ERGIC3: variants seen among roughly 807,000 people sequenced by gnomAD.
ERGIC3 encodes the protein ERGIC and golgi 3, also known as endoplasmic reticulum-Golgi intermediate compartment protein 3.
In ERGIC3, 33 loss-of-function variants were observed where a neutral mutation model predicts 54.7. That is an observed-to-expected ratio of 0.60 (90% CI 0.46 to 0.81). The LOEUF (loss-of-function observed/expected upper bound fraction) is 0.81, where lower values mean the gene tolerates loss of function less well. Ranked by LOEUF, ERGIC3 falls within the 30% of genes least tolerant of loss-of-function variation. The pLI is 0.00. For synonymous variants in ERGIC3, 186 were observed against 189.8 expected, an observed-to-expected ratio of 0.98 and a Z score of 0.16; for missense variants, 399 against 488.4, an observed-to-expected ratio of 0.82 and a Z score of 1.73.
intron 7 of ERGIC3, among the ~76,000 whole-genome samples, chr20:35,553,187 T>TTTTG (rs1371448282): frequency 6.7e-6 from 1 of 148,936 alleles, no homozygotes; most frequent in Admixed American, 6.7e-5. Flanking sequence ...TTTTTTTTTT[T>TTTTG]TGCAGAGACA....
intron 3 of ERGIC3, 103 bp from the exon 4 acceptor site, chr20:35,542,719 C>G: frequency 1.9e-6 from 3 of 1,604,432 alleles, no homozygotes; most frequent in Non-Finnish European, 2.6e-6. Context: ...TTCTCCTCAT[C>G]CCGTTCTGCC....
chr20:35,556,377 A>G (rs763342361), intron 10 of ERGIC3, 106 bp downstream of exon 10: 36 of 1,211,082 alleles, frequency 3.0e-5, no homozygotes, highest in Non-Finnish European at 4.1e-5. Context: ...TCGTCCTCAC[A>G]TGGCGAATAA....
intron 7 of ERGIC3, among the ~76,000 whole-genome samples, chr20:35,553,213 GC>G (rs2064691696): frequency 7.4e-6 from 1 of 135,178 alleles, no homozygotes; most frequent in African/African-American, 2.8e-5. Flanking sequence ...TTGCCATGTT[GC>G]CCAGGCTCCT....
rs903172686 is a variant in ERGIC3 at position 35,554,892 on chromosome 20, G to T, written c.686-152G>T. On this transcript the variant is annotated intron_variant, in intron 7 of 12. Transcript: ENST00000348547. Reference sequence around the variant, plus strand: ...ACAGGCCCAAGGCTTGCCCTTTCTGGCTGTCCTTAAGCAGGACCAGGAGGT... The same window carrying T: ...ACAGGCCCAAGGCTTGCCCTTTCTGTCTGTCCTTAAGCAGGACCAGGAGGT... 2.0e-4 allele frequency: 186 copies of T among 920,524 alleles called. 1 individual carries two copies. The highest frequency in any genetic ancestry group is 9.6e-5 in the Non-Finnish European group (54 of 560,030). 57.0% of individuals were successfully genotyped at this position (920,524 alleles called of 1,614,324 possible).
Position 35,556,122 on chromosome 20 carries a change from G to A in ERGIC3, c.807G>A (p.Ala269=), listed in dbSNP as rs376291998. The change falls in exon 9 of 13, where the codon GCG becomes GCA. Residue 269 remains alanine, a synonymous_variant. Coordinates refer to ENST00000348547, the MANE Select transcript of ERGIC3 (RefSeq NM_015966.3). ...CCCTGGACCACACCAATGTCACTGCGCCCCAAGGTACCAGCCCGGGAGGCA... is the reference window on the plus strand; with the variant it reads ...CCCTGGACCACACCAATGTCACTGCACCCCAAGGTACCAGCCCGGGAGGCA... The part of the protein sequence containing the change: ...VNPLDHTNVT[A]PQASMMFQYF... The A allele has an allele frequency of 1.4e-5, 22 of 1,614,014 alleles. No homozygotes were observed. The highest frequency in any genetic ancestry group is 6.7e-5 in the Admixed American group (4 of 59,990).
Position 35,555,110 on chromosome 20 carries a change from G to C in ERGIC3, c.717+35G>C, listed in dbSNP as rs183202293. On this transcript the variant is annotated intron_variant, in intron 8 of 12. Transcript: ENST00000348547. ...AGATGGAAACCATGGAGGGCAGGTG[G>C]GGGTGGGAGGCTTGGTTGCTGCCTT... 12 of 1,605,966 alleles carry C rather than the reference G, an allele frequency of 7.5e-6. No individual in the cohort carries two copies. In the East Asian group the frequency reaches 2.2e-4, roughly 30 times the overall value.
At chr20:35,556,318 A>T in intron 10 of ERGIC3, 47 bp downstream of exon 10, 3 of 1,597,704 alleles carry the variant, frequency 1.9e-6, no homozygotes, top group Non-Finnish European at 2.6e-6. Flanking sequence ...GGTGCCAAGC[A>T]CTGGAGTTCC....
Position 35,542,123 on chromosome 20 carries a change from A to C in ERGIC3, c.26A>C (p.Gln9Pro). Residue 9 changes from glutamine (Q) to proline (P), a missense_variant, in exon 1 of 13, where the codon CAG becomes CCG. Gln to Pro is a moderately conservative substitution (Grantham distance 76, BLOSUM62 -1). Coordinates refer to ENST00000348547, the MANE Select transcript of ERGIC3 (RefSeq NM_015966.3). Reference sequence around the variant, plus strand: ...ATGGAGGCGCTGGGGAAGCTGAAGCAGTTCGATGCCTACCCCAAGACTTTG... The same window carrying C: ...ATGGAGGCGCTGGGGAAGCTGAAGCCGTTCGATGCCTACCCCAAGACTTTG... MEALGKLK[Q>P]FDAYPKTLED... is the part of the protein sequence containing the mutation. The C allele has an allele frequency of 6.4e-7, 1 of 1,560,022 alleles. No individual in the cohort carries two copies. Among genetic ancestry groups the C allele is most frequent in the Non-Finnish European group, 8.7e-7 (1 of 1,153,568 alleles).
intron 7 of ERGIC3, among the ~76,000 whole-genome samples, chr20:35,551,476 G>GGA (rs1568871389): frequency 6.6e-6 from 1 of 152,174 alleles, no homozygotes; most frequent in African/African-American, 2.4e-5. Context: ...ATTCAAGCCT[G>GGA]GAGTTCAGGG....
Position 35,556,220 on chromosome 20 carries a change from C to T in ERGIC3, c.828C>T (p.Phe276=). The T allele has an allele frequency of 6.2e-7, 1 of 1,614,174 alleles. No individual in the cohort carries two copies. Among genetic ancestry groups the T allele is most frequent in the Admixed American group, 1.7e-5 (1 of 60,018 alleles). The change falls in exon 10 of 13, where the codon TTC becomes TTT. Residue 276 remains phenylalanine, a synonymous_variant. Transcript: ENST00000348547. ...NVTAPQASMM[F]QYFVKVVPTV... is the part of the protein sequence containing the mutation. ...TTTTCCCCTCAGCCTCCATGATGTT[C>T]CAGTACTTTGTGAAGGTGGTGCCCA...
intron 4 of ERGIC3, chr20:35,543,582 A>G: frequency 2.1e-6 from 1 of 471,032 alleles, no homozygotes; most frequent in South Asian, 1.5e-5. Flanking sequence ...CCACCACAGC[A>G]AACTGTCCTC....
At chr20:35,553,034 T>TTTTTTTTTTTTTTTTTG in intron 7 of ERGIC3, among the ~76,000 whole-genome samples, 1 of 126,740 alleles carries the variant, frequency 7.9e-6, no homozygotes, top group African/African-American at 2.9e-5. Flanking sequence ...TTTTTTTTTT[T>TTTTTTTTTTTTTTTTTG]TTTTTTTTTT....
rs201180063 is a variant in ERGIC3, at chr20:35,557,500, C to A, written c.1148C>A (p.Thr383Lys). The A allele has an allele frequency of 6.2e-7, 1 of 1,613,878 alleles. No homozygotes were observed. Among genetic ancestry groups the A allele is most frequent in the African/African-American group, 1.3e-5 (1 of 75,044 alleles). Residue 383 changes from threonine to lysine, a missense_variant, in exon 13 of 13, where the codon ACG (threonine) becomes AAG (lysine). By Grantham distance (78) the Thr-to-Lys change is moderately conservative (BLOSUM62 -1). Transcript: ENST00000348547. ...AAGAAAATTGATCTAGGGAAGACAA[C>A]GTAGTCACCCTCGGTGCTTCCTCTG... is the stretch of plus-strand genomic sequence containing the variant. Reference protein sequence around the residue: ...IQKKIDLGKTT With the variant: ...IQKKIDLGKTK
intron 7 of ERGIC3, among the ~76,000 whole-genome samples, chr20:35,550,698 C>T (rs1040235468): frequency 5.3e-5 from 8 of 152,178 alleles, no homozygotes; most frequent in African/African-American, 1.9e-4. Flanking sequence ...CGGGCCGTTA[C>T]TCTGCATGAG....
chr20:35,553,020 ATTTTTTTTTTTTTT>A (rs141438822), intron 7 of ERGIC3, among the ~76,000 whole-genome samples: 7 of 41,552 alleles, frequency 1.7e-4, no homozygotes, highest in East Asian at 8.7e-4. Context: ...AAAGCTGGGG[ATTTTTTTTTTTTTT>A]TTTTTTTTTT....
In ERGIC3 at chr20:35,557,410, T is replaced by A. The variant is rs1425976300; in HGVS notation, c.1073-15T>A. On this transcript the variant is annotated splice_polypyrimidine_tract_variant and intron_variant, in intron 12 of 12. Transcript: ENST00000348547. ...GCCCCCACTGGGCCAGTGCCAGCCC[T>A]TGTCTCTCTCCCAGTGGCTGGACTC... 1 of 1,613,672 alleles carries A rather than the reference T, an allele frequency of 6.2e-7. No individual in the cohort carries two copies. The highest frequency in any genetic ancestry group is 1.7e-5 in the Admixed American group (1 of 60,022).
At chr20:35,542,460 A>C in intron 2 of ERGIC3, 53 bp from the exon 3 acceptor site, 1 of 1,613,358 alleles carries the variant, frequency 6.2e-7, no homozygotes, top group Non-Finnish European at 8.5e-7. Flanking sequence ...TAGGGGTGGG[A>C]GTGGGGAAGG....
chr20:35,544,360 T>C (rs2064635814), intron 4 of ERGIC3: 1 of 264,676 alleles, frequency 3.8e-6, no homozygotes, highest in Non-Finnish European at 7.3e-6. Flanking sequence ...GGCCTACTTA[T>C]TTGTTGTTTA....
At chr20:35,547,612 G>A in intron 5 of ERGIC3, 107 bp downstream of exon 5, 1 of 950,192 alleles carries the variant, frequency 1.1e-6, no homozygotes, top group Admixed American at 2.0e-5. Flanking sequence ...CAAGAATCTA[G>A]AGTGGGCGGG....
Sources: allele counts gnomAD v4.1 joint callset (sites outside exome capture counted in the v4.1 genomes callset), GRCh38; gene constraint gnomAD v4.1.1; transcripts MANE v1.5; gene names NCBI Gene and HGNC (gene_info 2026-07-23, HGNC 2026-07-21).